The following MDM1 variants were observed in gnomAD, a reference collection of about 807,000 sequenced individuals.
MDM1 encodes the protein Mdm1 nuclear protein.
Under a neutral mutation model 89.1 loss-of-function variants are expected in MDM1, and 61 were observed. The ratio of observed to expected loss-of-function variants is 0.68; its 90% CI spans 0.56 to 0.85. The LOEUF is 0.85. Among genes scored for constraint, MDM1 ranks in the 40% least tolerant of loss-of-function variants. The pLI is 0.00. For missense variants in MDM1, 820 were observed against 846.5 expected, an observed-to-expected ratio of 0.97 and a Z score of 0.39; for synonymous variants, 290 against 294.1, an observed-to-expected ratio of 0.99 and a Z score of 0.14.
At chr12:68,309,990 GGA>G (rs1469445184) in intron 12 of MDM1, among the ~76,000 whole-genome samples, 6 of 152,204 alleles carry the variant, frequency 3.9e-5, no homozygotes, top group African/African-American at 1.4e-4. Context: ...TTATTGGTTT[GGA>G]GAGAGTCTTC....
Position 68,296,937 on chromosome 12 carries a change from G to A in MDM1, c.2048C>T (p.Ala683Val), listed in dbSNP as rs769707806. 6.3e-7 allele frequency: 1 copy of A among 1,588,650 alleles called. No homozygotes were observed. Among genetic ancestry groups the A allele is most frequent in the Admixed American group, 1.8e-5 (1 of 55,714 alleles). The change falls in exon 14 of 15, where the codon GCC becomes GTC. Residue 683 changes from alanine (A) to valine (V), a missense_variant. Coordinates refer to ENST00000682720, the MANE Select transcript of MDM1 (RefSeq NM_001354969.2). ...TACTGAAATACCTTCATCATTAAAG[G>A]CTTCATGTTGAGGTAACTGCAAATT... Reference protein sequence around the residue: ...MNNLQLPQHEAFNDEDEDRLS... With the variant: ...MNNLQLPQHEVFNDEDEDRLS...
rs142940792 is a variant in MDM1 at position 68,295,315 on chromosome 12, C to T, written c.2114G>A (p.Arg705Gln). 5.0e-6 allele frequency: 8 copies of T among 1,613,092 alleles called. No homozygotes were observed. Among genetic ancestry groups the T allele is most frequent in the African/African-American group, 4.0e-5 (3 of 74,870 alleles). ...ISARSAASSL[R>Q]AFQTLARAKK... is the part of the protein sequence containing the mutation. Reference sequence around the variant, plus strand: ...AGCTCGTGCCAGAGTTTGAAAAGCCCGGAGACTAGAAGCTGCAGAGCGAGC... The same window carrying T: ...AGCTCGTGCCAGAGTTTGAAAAGCCTGGAGACTAGAAGCTGCAGAGCGAGC... Residue 705 changes from arginine (R) to glutamine (Q), a missense_variant, in exon 15 of 15, where the codon CGG (arginine) becomes CAG (glutamine). Transcript: ENST00000682720.
chr12:68,325,868 A>T, intron 3 of MDM1: 1 of 1,035,490 alleles, frequency 9.7e-7, no homozygotes, highest in Non-Finnish European at 1.2e-6. Context: ...ATTCATAATT[A>T]AATCTATTAC....
chr12:68,306,218 A>G (rs7980963), intron 12 of MDM1, among the ~76,000 whole-genome samples: 48,199 of 151,922 alleles, frequency 0.32, 8,605 homozygotes, highest in Admixed American at 0.38. Flanking sequence ...GGCCATATGT[A>G]GAAGAATGAA....
chr12:68,324,463 A>C (rs74100608), intron 4 of MDM1, among the ~76,000 whole-genome samples: 1 of 152,154 alleles, frequency 6.6e-6, no homozygotes, highest in African/African-American at 2.4e-5. Context: ...TATAAATTTC[A>C]AAGGTATTTT....
At chr12:68,304,251 T>TAA (rs146956734) in intron 12 of MDM1, among the ~76,000 whole-genome samples, 22 of 151,108 alleles carry the variant, frequency 1.5e-4, no homozygotes, top group Admixed American at 2.6e-4. Flanking sequence ...TCTATTTATT[T>TAA]AAAAAAAAAA....
intron 12 of MDM1, among the ~76,000 whole-genome samples, chr12:68,312,651 CT>C (rs1477123052): frequency 6.6e-6 from 1 of 152,186 alleles, no homozygotes; most frequent in Non-Finnish European, 1.5e-5. Flanking sequence ...ACTCCTCTGC[CT>C]TTCCAATAGC....
intron 7 of MDM1, among the ~76,000 whole-genome samples, chr12:68,317,843 G>GT (rs1874700146): frequency 6.6e-6 from 1 of 152,182 alleles, no homozygotes; most frequent in Admixed American, 6.5e-5. Flanking sequence ...TTTATTGCCA[G>GT]TAAGTGCCCC....
rs183041452 is a variant in MDM1, at chr12:68,302,353, T to C, written c.2002+267A>G. 3.9e-5 allele frequency among the ~76,000 whole-genome samples: 6 copies of C among 152,342 alleles called. No individual in the cohort carries two copies. The East Asian group carries it at 9.7e-4, about 25-fold the overall frequency. Reference sequence around the variant, plus strand: ...GTTGTCACATCCAGAGAAGAGGTGCTACTGTCATCTATCTAGTGGATTCCC... The same window carrying C: ...GTTGTCACATCCAGAGAAGAGGTGCCACTGTCATCTATCTAGTGGATTCCC... On this transcript the variant is annotated intron_variant, in intron 13 of 14. Transcript: ENST00000682720.
intron 2 of MDM1, chr12:68,327,392 C>T: frequency 6.5e-7 from 1 of 1,535,504 alleles, no homozygotes; most frequent in Non-Finnish European, 8.7e-7. Context: ...GAACAATGGG[C>T]CCTGGTACTG....
intron 12 of MDM1, among the ~76,000 whole-genome samples, chr12:68,311,304 T>C (rs565262993): frequency 1.2e-4 from 19 of 152,268 alleles, no homozygotes; most frequent in Admixed American, 4.6e-4. Flanking sequence ...CCCCTTAACA[T>C]TGGCCTAAAA....
chr12:68,324,006 C>G (rs549454168), intron 4 of MDM1, among the ~76,000 whole-genome samples: 6 of 152,022 alleles, frequency 3.9e-5, no homozygotes, highest in Admixed American at 3.3e-4. Context: ...AATGAACAAC[C>G]CTTTTAGAGG....
intron 13 of MDM1, among the ~76,000 whole-genome samples, chr12:68,300,957 T>C (rs1872071026): frequency 6.6e-6 from 1 of 152,126 alleles, no homozygotes; most frequent in Non-Finnish European, 1.5e-5. Context: ...ATACCAATTA[T>C]CTTCTCAGAC....
At chr12:68,295,481 TAGTC>T (rs1871253568) in intron 14 of MDM1, 115 bp from the exon 15 acceptor site, 2 of 646,634 alleles carry the variant, frequency 3.1e-6, no homozygotes, top group Non-Finnish European at 5.2e-6. Context: ...AATGTCAAGT[TAGTC>T]AGGAAAAAAA....
chr12:68,318,191 T>G (rs1428570416), intron 7 of MDM1, among the ~76,000 whole-genome samples: 1 of 152,132 alleles, frequency 6.6e-6, no homozygotes, highest in Non-Finnish European at 1.5e-5. Context: ...TATGCCATAA[T>G]AAACAAATGA....
chr12:68,325,442 TG>T lies in MDM1; in HGVS notation c.631del (p.Gln211ArgfsTer34). The T allele has an allele frequency of 6.4e-7, 1 of 1,570,334 alleles. No homozygotes were observed. Among genetic ancestry groups the T allele is most frequent in the Non-Finnish European group, 8.6e-7 (1 of 1,161,094 alleles). ...KETAPAFAAN[Q>X]VFHNKSQFVP... ...AATGTATTACATCCATTAAGCTACC[TG>T]ATTGGCTGCAAAAGCTGGAGCAGTT... On this transcript the variant is annotated frameshift_variant and splice_region_variant, in exon 4 of 15. Coordinates refer to ENST00000682720, the MANE Select transcript of MDM1 (RefSeq NM_001354969.2). LOFTEE classifies it high-confidence loss of function.
intron 12 of MDM1, 139 bp downstream of exon 12, chr12:68,313,304 T>C (rs1171005116): frequency 1.6e-6 from 1 of 636,450 alleles, no homozygotes. Flanking sequence ...CCTTTTGCCT[T>C]ACTAAAAGCA....
In MDM1 at chr12:68,316,223, A is replaced by G; in HGVS notation, c.1066T>C (p.Tyr356His). ...TGCGTCCCCTGAACTCGCTTCCTAT[A>G]AAACTCAGCCTTTTCTCGGAGTTCT... ...VKELREKAEF[Y>H]RKRVQGTHFS... Residue 356 changes from tyrosine (Y) to histidine (H), a missense_variant, in exon 9 of 15, where the codon TAT becomes CAT. By Grantham distance (83) the Tyr-to-His change is moderately conservative. Coordinates refer to ENST00000682720, the MANE Select transcript of MDM1 (RefSeq NM_001354969.2). The G allele has an allele frequency of 6.2e-7, 1 of 1,613,918 alleles. No homozygotes were observed. The highest frequency in any genetic ancestry group is 8.5e-7 in the Non-Finnish European group (1 of 1,179,934).
chr12:68,296,963 G>C lies in MDM1; in HGVS notation c.2022C>G (p.Asn674Lys). 6.3e-7 allele frequency: 1 copy of C among 1,587,026 alleles called. No individual in the cohort carries two copies. Among genetic ancestry groups the C allele is most frequent in the Non-Finnish European group, 8.5e-7 (1 of 1,169,744 alleles). The change falls in exon 14 of 15, where the codon AAC becomes AAG. Residue 674 changes from asparagine (N) to lysine (K), a missense_variant. By Grantham distance (94) the Asn-to-Lys change is moderately conservative. Coordinates refer to ENST00000682720, the MANE Select transcript of MDM1 (RefSeq NM_001354969.2). ...CTTCATGTTGAGGTAACTGCAAATT[G>C]TTCATCCTTGCTTTTCCCACTTAAA... The part of the protein sequence containing the change: ...FQHNVGKARM[N>K]NLQLPQHEAF...
Sources: allele counts gnomAD v4.1 joint callset (sites outside exome capture counted in the v4.1 genomes callset), GRCh38; gene constraint gnomAD v4.1.1; transcripts MANE v1.5; gene names NCBI Gene and HGNC (gene_info 2026-07-23, HGNC 2026-07-21).